Variants in AGBL1 observed in about 807,000 individuals in gnomAD.
AGBL1 encodes the protein AGBL carboxypeptidase 1, also known as cytosolic carboxypeptidase 4.
In AGBL1, 130 loss-of-function variants were observed where a neutral mutation model predicts 118.9. That is an observed-to-expected ratio of 1.09 (90% confidence interval 0.95 to 1.26). AGBL1 has a LOEUF of 1.26. Among genes scored for constraint, AGBL1 ranks in the 50% most tolerant of loss-of-function variants. AGBL1 has a pLI of 0.00. For missense variants in AGBL1, 1,584 were observed against 1,298.1 expected (o/e 1.22, Z -3.38); for synonymous variants, 555 against 478.9 (o/e 1.16, Z -2.08).
At chr15:86,398,753 C>T (rs974021505) in intron 18 of AGBL1, among the ~76,000 whole-genome samples, 12 of 151,418 alleles carry the variant, frequency 7.9e-5, no homozygotes, top group East Asian at 1.9e-4. Flanking sequence ...AGATAAGCAC[C>T]GAAGATAGAT....
At chr15:86,134,090 C>T (rs1180790023) in intron 1 of AGBL1, among the ~76,000 whole-genome samples, 1 of 152,216 alleles carries the variant, frequency 6.6e-6, no homozygotes, top group Non-Finnish European at 1.5e-5. Context: ...TCTAATCATG[C>T]AGTTTCTGCC....
chr15:86,763,259 G>A (rs547869793), intron 22 of AGBL1, among the ~76,000 whole-genome samples: 1 of 152,014 alleles, frequency 6.6e-6, no homozygotes, highest in African/African-American at 2.4e-5. Flanking sequence ...GCTCATGTAG[G>A]CAATCTCTCA....
chr15:86,800,426 G>A (rs1030222758), intron 22 of AGBL1, among the ~76,000 whole-genome samples: 20 of 152,104 alleles, frequency 1.3e-4, no homozygotes, highest in Non-Finnish European at 2.4e-4. Context: ...TGAGAAAAAA[G>A]GCCCAGAATT....
intron 21 of AGBL1, among the ~76,000 whole-genome samples, chr15:86,554,792 C>T (rs2083709975): frequency 6.6e-6 from 1 of 152,154 alleles, no homozygotes; most frequent in Admixed American, 6.5e-5. Flanking sequence ...CAGCTGGGAG[C>T]CTCTCTTTGA....
At chr15:86,221,496 C>T (rs1437226211) in intron 5 of AGBL1, among the ~76,000 whole-genome samples, 3 of 152,210 alleles carry the variant, frequency 2.0e-5, no homozygotes, top group Non-Finnish European at 2.9e-5. Context: ...CTTCTTTCTT[C>T]ATGCTTCGCT....
At chr15:86,144,004 G>A (rs902792892) in intron 3 of AGBL1, among the ~76,000 whole-genome samples, 159 bp downstream of exon 3, 1 of 152,156 alleles carries the variant, frequency 6.6e-6, no homozygotes, top group South Asian at 2.1e-4. Context: ...CCATAGGAGA[G>A]GCCATTTTGT....
downstream of AGBL1, among the ~76,000 whole-genome samples, chr15:86,919,009 G>C (rs1386311568): frequency 6.6e-6 from 1 of 152,104 alleles, no homozygotes; most frequent in African/African-American, 2.4e-5. Context: ...ATTTTTTTCA[G>C]AGTACTACTT....
At chr15:86,422,631 C>A (rs1322187694) in intron 18 of AGBL1, among the ~76,000 whole-genome samples, 1 of 151,724 alleles carries the variant, frequency 6.6e-6, no homozygotes, top group Non-Finnish European at 1.5e-5. Flanking sequence ...AAAAACCCTT[C>A]AAAAAAATCA....
chr15:86,695,206 G>T (rs1026813648), intron 22 of AGBL1, among the ~76,000 whole-genome samples: 22 of 152,046 alleles, frequency 1.4e-4, no homozygotes. Flanking sequence ...GAATTCAGCT[G>T]TGAATCCATG....
chr15:86,149,552 G>A (rs568416002), intron 3 of AGBL1, among the ~76,000 whole-genome samples: 1 of 152,292 alleles, frequency 6.6e-6, no homozygotes, highest in Non-Finnish European at 1.5e-5. Flanking sequence ...TAATGGTAAA[G>A]GGATCAATTC....
intron 7 of AGBL1, among the ~76,000 whole-genome samples, chr15:86,254,206 T>A (rs1388905152): frequency 6.6e-6 from 1 of 152,224 alleles, no homozygotes; most frequent in Non-Finnish European, 1.5e-5. Context: ...TTTATGAAAC[T>A]AAGGATGCCT....
chr15:86,587,835 C>T (rs1310908804), intron 21 of AGBL1, among the ~76,000 whole-genome samples: 1 of 152,136 alleles, frequency 6.6e-6, no homozygotes, highest in Non-Finnish European at 1.5e-5. Context: ...GTGTTACATC[C>T]AGGGGTGAGA....
At chr15:86,543,527 T>C (rs966526938) in intron 19 of AGBL1, among the ~76,000 whole-genome samples, 4 of 152,234 alleles carry the variant, frequency 2.6e-5, no homozygotes, top group Admixed American at 6.5e-5. Context: ...AAATGATCTT[T>C]GGACCCCAAA....
At chr15:86,283,472 G>A (rs994256313) in intron 16 of AGBL1, among the ~76,000 whole-genome samples, 2 of 151,852 alleles carry the variant, frequency 1.3e-5, no homozygotes, top group Non-Finnish European at 2.9e-5. Flanking sequence ...CCAGAGACAG[G>A]GGTGGGATGG....
intron 24 of AGBL1, among the ~76,000 whole-genome samples, chr15:87,027,937 GCTTAATC>G (rs1470195197): frequency 1.3e-5 from 2 of 151,862 alleles, no homozygotes; most frequent in African/African-American, 2.4e-5. Context: ...TGGCTGCTGA[GCTTAATC>G]CCTAGGTGAT....
intron 21 of AGBL1, among the ~76,000 whole-genome samples, chr15:86,614,079 G>C (rs1009825074): frequency 6.6e-6 from 1 of 152,178 alleles, no homozygotes; most frequent in Non-Finnish European, 1.5e-5. Flanking sequence ...CCCAGAACTA[G>C]TTAGCTGGCT....
chr15:86,264,165 A>G, intron 10 of AGBL1, 93 bp from the exon 11 acceptor site: 2 of 1,053,668 alleles, frequency 1.9e-6, no homozygotes, highest in Non-Finnish European at 2.7e-6. Context: ...ATTTATGCTT[A>G]GCTCTGTGCC....
intron 1 of AGBL1, among the ~76,000 whole-genome samples, chr15:86,112,040 T>C (rs1897422023): frequency 6.6e-6 from 1 of 152,188 alleles, no homozygotes; most frequent in South Asian, 2.1e-4. Context: ...CGACCCCAGA[T>C]GGAGATGTCT....
intron 24 of AGBL1, among the ~76,000 whole-genome samples, chr15:87,015,259 A>T (rs1462368676): frequency 1.3e-5 from 2 of 152,134 alleles, no homozygotes; most frequent in Non-Finnish European, 2.9e-5. Flanking sequence ...AAGCCCTGCT[A>T]CTGGCTTCTC....
Sources: allele counts gnomAD v4.1 joint callset (sites outside exome capture counted in the v4.1 genomes callset), GRCh38; gene constraint gnomAD v4.1.1; transcripts MANE v1.5; gene names NCBI Gene and HGNC (gene_info 2026-07-23, HGNC 2026-07-21).